The following ZMAT4 variants were observed in gnomAD, a reference collection of about 807,000 sequenced individuals.
ZMAT4 encodes the protein zinc finger matrin-type protein 4.
ZMAT4 carries 17 observed loss-of-function variants against 28.7 expected under a neutral mutation model. The observed-to-expected ratio is 0.59, with a 90% CI of 0.41 to 0.89. The LOEUF (loss-of-function observed/expected upper bound fraction) is 0.89, where lower values mean the gene tolerates loss of function less well. Among genes scored for constraint, ZMAT4 ranks in the 40% least tolerant of loss-of-function variants. The pLI is 0.00. For missense variants in ZMAT4, 240 were observed against 283.8 expected, an observed-to-expected ratio of 0.85 and a Z score of 1.11; for synonymous variants, 117 against 109.2, an observed-to-expected ratio of 1.07 and a Z score of -0.44.
chr8:40,843,740 T>A (rs1383550665), intron 1 of ZMAT4, among the ~76,000 whole-genome samples: 1 of 152,172 alleles, frequency 6.6e-6, no homozygotes, highest in Admixed American at 6.5e-5. Flanking sequence ...CCTTGTCCAC[T>A]CTCTGCAGAA....
intron 1 of ZMAT4, among the ~76,000 whole-genome samples, chr8:40,856,446 G>A (rs1054987961): frequency 6.6e-5 from 10 of 152,188 alleles, no homozygotes; most frequent in African/African-American, 2.4e-4. Context: ...GATGGTCTGT[G>A]TACCACTTGG....
intron 5 of ZMAT4, among the ~76,000 whole-genome samples, chr8:40,642,485 C>T (rs1807081510): frequency 1.3e-5 from 2 of 152,202 alleles, no homozygotes; most frequent in African/African-American, 4.8e-5. Context: ...ATTTGGCTGT[C>T]CCAGTTTTCT....
At position 40,530,975 on chromosome 8, in the gene ZMAT4, G is replaced by T. The variant is rs1585647497; in HGVS notation, c.*1248C>A. ...CCTCAGCTCTTGGTGGAAAACAGTG[G>T]GTGTCCAGAAATTGCTGACACAAGA... On this transcript the variant is annotated 3_prime_UTR_variant, in exon 7 of 7. Coordinates refer to ENST00000297737, the MANE Select transcript of ZMAT4 (RefSeq NM_024645.3). The T allele has an allele frequency of 1.3e-5, 2 of 152,510 alleles. No individual in the cohort carries two copies. Among genetic ancestry groups the T allele is most frequent in the East Asian group, 3.9e-4 (2 of 5,186 alleles). The allele number at this position is 152,510 out of a possible 1,614,324, so 9.4% of individuals were successfully genotyped here. A position where few individuals can be genotyped will look rare whatever the true frequency, so the allele number is the denominator to read the frequency against.
At position 40,671,450 on chromosome 8, in the gene ZMAT4, TG is replaced by T. The variant is rs545017665; in HGVS notation, c.577+3253del. Among the ~76,000 whole-genome samples the T allele has an allele frequency of 1.2e-4, 19 of 152,352 alleles. No homozygotes were observed. In the East Asian group the frequency reaches 3.5e-3, roughly 28 times the overall value. On this transcript the variant is annotated intron_variant, in intron 5 of 6. Coordinates refer to ENST00000297737, the MANE Select transcript of ZMAT4 (RefSeq NM_024645.3). ...ATGAATAGAGTGGATAGACAAACTGTGGTATTTTTGTGTATAGAATACTACT... is the reference window on the plus strand; with the variant it reads ...ATGAATAGAGTGGATAGACAAACTGTGTATTTTTGTGTATAGAATACTACT...
At chr8:40,544,076 T>G (rs1010790916) in intron 6 of ZMAT4, among the ~76,000 whole-genome samples, 1 of 152,022 alleles carries the variant, frequency 6.6e-6, no homozygotes, top group Non-Finnish European at 1.5e-5. Context: ...TGCACATGTG[T>G]GGGAGGGGCC....
intron 3 of ZMAT4, among the ~76,000 whole-genome samples, chr8:40,738,646 G>A (rs1476173441): frequency 2.6e-5 from 4 of 152,144 alleles, no homozygotes; most frequent in African/African-American, 4.8e-5. Context: ...TACAGATGGC[G>A]GCAGGAAAGT....
intron 6 of ZMAT4, among the ~76,000 whole-genome samples, chr8:40,571,603 T>C (rs1398150342): frequency 6.6e-6 from 1 of 152,146 alleles, no homozygotes. Flanking sequence ...ATCCAGATAG[T>C]CCTTAGCTAG....
intron 3 of ZMAT4, among the ~76,000 whole-genome samples, chr8:40,743,484 G>A (rs1243550949): frequency 6.6e-6 from 1 of 152,190 alleles, no homozygotes; most frequent in Non-Finnish European, 1.5e-5. Flanking sequence ...ACTGACAGAG[G>A]TCTGGCTAAA....
intron 2 of ZMAT4, among the ~76,000 whole-genome samples, chr8:40,824,109 G>A (rs1815931896): frequency 6.6e-6 from 1 of 152,106 alleles, no homozygotes; most frequent in South Asian, 2.1e-4. Flanking sequence ...TTTTTATTGT[G>A]CACAGAGGAA....
chr8:40,751,016 C>A (rs1231475968), intron 3 of ZMAT4, among the ~76,000 whole-genome samples: 3 of 152,182 alleles, frequency 2.0e-5, no homozygotes, highest in Non-Finnish European at 1.5e-5. Flanking sequence ...GGTGTATAAT[C>A]TTCCATGACA....
intron 5 of ZMAT4, among the ~76,000 whole-genome samples, chr8:40,673,085 A>G (rs1328654150): frequency 6.6e-6 from 1 of 152,140 alleles, no homozygotes; most frequent in Admixed American, 6.6e-5. Context: ...CCAACTTTAA[A>G]TCTATGCTGC....
chr8:40,772,109 C>T lies in ZMAT4; in HGVS notation c.103-4379G>A, dbSNP rs550263322. On this transcript the variant is annotated intron_variant, in intron 2 of 6. Coordinates refer to ENST00000297737, the MANE Select transcript of ZMAT4 (RefSeq NM_024645.3). ...TTACACTGAGAGTCAATCCCAGGCTCTTTTTTGCATTAATATTTGCATTTT... is the reference window on the plus strand; with the variant it reads ...TTACACTGAGAGTCAATCCCAGGCTTTTTTTTGCATTAATATTTGCATTTT... 5.9e-5 allele frequency among the ~76,000 whole-genome samples: 9 copies of T among 152,314 alleles called. No homozygotes were observed. In the South Asian group the frequency reaches 1.9e-3, roughly 32 times the overall value.
rs190301222 is a variant in ZMAT4, at chr8:40,759,020, C to G, written c.192+8621G>C. On this transcript the variant is annotated intron_variant, in intron 3 of 6. Transcript: ENST00000297737. Reference sequence around the variant, plus strand: ...CCAGTCTAGGCCAGGTGCAGTGGATCACGCCTGTAATCCTAGCCCTTTGGA... The same window carrying G: ...CCAGTCTAGGCCAGGTGCAGTGGATGACGCCTGTAATCCTAGCCCTTTGGA... Among the ~76,000 whole-genome samples the G allele has an allele frequency of 2.0e-3, 299 of 152,088 alleles. 2 individuals are homozygous for G. The highest frequency in any genetic ancestry group is 3.8e-3 in the Non-Finnish European group (261 of 67,988).
At chr8:40,797,967 G>A (rs1230638256) in intron 2 of ZMAT4, among the ~76,000 whole-genome samples, 1 of 152,224 alleles carries the variant, frequency 6.6e-6, no homozygotes, top group Non-Finnish European at 1.5e-5. Context: ...GGTAAGGCAA[G>A]GTCCTAGGGA....
At position 40,834,827 on chromosome 8, in the gene ZMAT4, C is replaced by G. The variant is rs80211005; in HGVS notation, c.-4-9147G>C. 7.2e-3 allele frequency among the ~76,000 whole-genome samples: 1,097 copies of G among 152,288 alleles called. 19 individuals are homozygous for G. Among genetic ancestry groups the G allele is most frequent in the African/African-American group, 0.026 (1,063 of 41,562 alleles). The stretch of plus-strand genomic sequence containing the variant: ...CTTTGCCTCCACCTAACAGGGAGAC[C>G]AGGGATCTGAGTACCAGAGGCAGGT... On this transcript the variant is annotated intron_variant, in intron 1 of 6. Coordinates refer to ENST00000297737, the MANE Select transcript of ZMAT4 (RefSeq NM_024645.3).
intron 3 of ZMAT4, among the ~76,000 whole-genome samples, chr8:40,715,249 G>A (rs1810800412): frequency 6.6e-6 from 1 of 152,046 alleles, no homozygotes; most frequent in Non-Finnish European, 1.5e-5. Context: ...CCAAACGAGA[G>A]GAGAGGGAGT....
At chr8:40,553,472 G>A (rs1803428392) in intron 6 of ZMAT4, among the ~76,000 whole-genome samples, 1 of 152,082 alleles carries the variant, frequency 6.6e-6, no homozygotes. Context: ...TCAGCTTTGA[G>A]ACCTAAAAAT....
intron 6 of ZMAT4, among the ~76,000 whole-genome samples, chr8:40,580,891 T>G (rs2118543315): frequency 6.6e-6 from 1 of 152,294 alleles, no homozygotes; most frequent in East Asian, 1.9e-4. Context: ...TTATTGATTT[T>G]AAAACACTTA....
intron 1 of ZMAT4, among the ~76,000 whole-genome samples, chr8:40,856,922 G>A (rs991827851): frequency 9.2e-5 from 14 of 152,316 alleles, no homozygotes; most frequent in African/African-American, 3.4e-4. Flanking sequence ...TGGGGGAGAA[G>A]CTGGCCTCAT....
Sources: gnomAD v4.1 joint callset for allele counts (sites outside exome capture counted in the v4.1 genomes callset) on GRCh38, gnomAD v4.1.1 for gene constraint, MANE v1.5 for transcripts, NCBI Gene and HGNC (gene_info 2026-07-23, HGNC 2026-07-21) for gene names.